Variants in LPP observed in about 807,000 individuals in gnomAD.
LPP encodes lipoma-preferred partner.
Under a neutral mutation model 60.4 loss-of-function variants are expected in LPP, and 38 were observed. That is an observed-to-expected ratio of 0.63 (90% CI 0.49 to 0.83). The LOEUF (loss-of-function observed/expected upper bound fraction) is 0.83. Among genes scored for constraint, LPP ranks in the 40% least tolerant of loss-of-function variants. LPP has a pLI of 0.00. For missense variants in LPP, 902 were observed against 783.6 expected, an observed-to-expected ratio of 1.15 and a Z score of -1.80; for synonymous variants, 328 against 290.8, an observed-to-expected ratio of 1.13 and a Z score of -1.30.
At chr3:188,693,893 T>A (rs1465550110) in intron 7 of LPP, among the ~76,000 whole-genome samples, 1 of 152,274 alleles carries the variant, frequency 6.6e-6, no homozygotes, top group Non-Finnish European at 1.5e-5. Flanking sequence ...ATTAAACGAA[T>A]ATTGAATTAG....
At chr3:188,377,526 G>A (rs1227568321) in intron 3 of LPP, among the ~76,000 whole-genome samples, 3 of 152,226 alleles carry the variant, frequency 2.0e-5, no homozygotes, top group East Asian at 1.9e-4. Flanking sequence ...CATTCGTCAC[G>A]TAGCTCTTGT....
At chr3:188,745,012 G>T (rs1391959953) in intron 8 of LPP, among the ~76,000 whole-genome samples, 2 of 151,738 alleles carry the variant, frequency 1.3e-5, no homozygotes, top group East Asian at 3.9e-4. Context: ...GGGAGAACAG[G>T]GTAAACTGTT....
At chr3:188,682,210 G>A (rs1348723714) in intron 7 of LPP, among the ~76,000 whole-genome samples, 1 of 151,870 alleles carries the variant, frequency 6.6e-6, no homozygotes, top group African/African-American at 2.4e-5. Flanking sequence ...TTGTCTTCTG[G>A]GAATTTGCTA....
chr3:188,295,783 T>C (rs2150092301), intron 2 of LPP, among the ~76,000 whole-genome samples: 1 of 152,320 alleles, frequency 6.6e-6, no homozygotes. Flanking sequence ...AGCCTCAGCC[T>C]CCCAAAGCGC....
intron 6 of LPP, among the ~76,000 whole-genome samples, chr3:188,575,445 C>A (rs901042982): frequency 1.4e-4 from 22 of 151,982 alleles, no homozygotes; most frequent in African/African-American, 5.3e-4. Flanking sequence ...GAACAGGTTC[C>A]ATTATTGTGT....
At chr3:188,480,593 T>G (rs1392544931) in intron 4 of LPP, among the ~76,000 whole-genome samples, 1 of 152,190 alleles carries the variant, frequency 6.6e-6, no homozygotes, top group Non-Finnish European at 1.5e-5. Context: ...ACTGGACATT[T>G]CCATTTTAGA....
At chr3:188,480,417 T>C (rs1804450740) in intron 4 of LPP, among the ~76,000 whole-genome samples, 1 of 152,222 alleles carries the variant, frequency 6.6e-6, no homozygotes, top group East Asian at 1.9e-4. Flanking sequence ...AGAATCCATT[T>C]CCTGCTCTGT....
At chr3:188,194,302 A>G (rs1402292954) in intron 1 of LPP, among the ~76,000 whole-genome samples, 1 of 152,212 alleles carries the variant, frequency 6.6e-6, no homozygotes, top group Admixed American at 6.5e-5. Flanking sequence ...CTAATTTCCC[A>G]GATATTTCTG....
chr3:188,456,788 T>G (rs1797836051), intron 4 of LPP, among the ~76,000 whole-genome samples: 1 of 152,104 alleles, frequency 6.6e-6, no homozygotes, highest in African/African-American at 2.4e-5. Context: ...ACTCTAAGAG[T>G]GCAAGGAAAA....
intron 2 of LPP, among the ~76,000 whole-genome samples, chr3:188,317,319 G>T (rs1755371150): frequency 6.6e-6 from 1 of 151,556 alleles, no homozygotes; most frequent in African/African-American, 2.4e-5. Context: ...CACCATTAAT[G>T]GTGTGTTATT....
At chr3:188,211,566 G>T (rs539129456) in intron 1 of LPP, among the ~76,000 whole-genome samples, 1 of 151,966 alleles carries the variant, frequency 6.6e-6, no homozygotes, top group East Asian at 1.9e-4. Context: ...AGTCATTTTA[G>T]ATCAGATTCA....
chr3:188,739,924 C>T (rs972451382), intron 8 of LPP, among the ~76,000 whole-genome samples: 4 of 152,030 alleles, frequency 2.6e-5, no homozygotes, highest in African/African-American at 9.7e-5. Flanking sequence ...TACTGAATCT[C>T]ATATTTTGTG....
chr3:188,462,596 G>GTA (rs1799375440), intron 4 of LPP, among the ~76,000 whole-genome samples: 1 of 40,718 alleles, frequency 2.5e-5, no homozygotes, highest in African/African-American at 1.0e-4. Context: ...GCATGTGTGT[G>GTA]TGTGTGTGTG....
At chr3:188,254,489 A>C (rs1246152659) in intron 2 of LPP, among the ~76,000 whole-genome samples, 1 of 152,200 alleles carries the variant, frequency 6.6e-6, no homozygotes, top group Non-Finnish European at 1.5e-5. Context: ...TGATAAACTC[A>C]ATGCCACTTT....
At chr3:188,314,996 T>C (rs1021033797) in intron 2 of LPP, among the ~76,000 whole-genome samples, 1 of 152,230 alleles carries the variant, frequency 6.6e-6, no homozygotes, top group Non-Finnish European at 1.5e-5. Context: ...CTTTAAAATA[T>C]GGTAGAATTC....
chr3:188,872,514 T>G (rs940102503), intron 10 of LPP, 129 bp from the exon 11 acceptor site: 1 of 977,374 alleles, frequency 1.0e-6, no homozygotes, highest in Non-Finnish European at 1.6e-6. Flanking sequence ...TCCCTGAGTC[T>G]AACTCCCTCA....
intron 6 of LPP, among the ~76,000 whole-genome samples, chr3:188,578,297 G>GAATC (rs1835239981): frequency 6.6e-6 from 1 of 150,392 alleles, no homozygotes; most frequent in Non-Finnish European, 1.5e-5. Context: ...TTCTTTTAAG[G>GAATC]TTCATAAAAT....
intron 3 of LPP, among the ~76,000 whole-genome samples, chr3:188,344,828 G>C (rs1763908980): frequency 6.6e-6 from 1 of 152,186 alleles, no homozygotes; most frequent in Non-Finnish European, 1.5e-5. Context: ...AAGAAAAGCT[G>C]TTTTCCTCCA....
chr3:188,607,787 A>C (rs114082154), intron 6 of LPP, among the ~76,000 whole-genome samples: 8,835 of 152,250 alleles, frequency 0.058, 288 homozygotes, highest in African/African-American at 0.084. Context: ...TGAAAATAAA[A>C]ATGCAGGTAT....
Sources: allele counts gnomAD v4.1 joint callset (sites outside exome capture counted in the v4.1 genomes callset), GRCh38; gene constraint gnomAD v4.1.1; transcripts MANE v1.5; gene names NCBI Gene and HGNC (gene_info 2026-07-23, HGNC 2026-07-21).